The following STK31 variants were observed in gnomAD, a reference collection of about 807,000 sequenced individuals.
STK31 encodes serine/threonine-protein kinase 31.
In STK31, 89 loss-of-function variants were observed where a neutral mutation model predicts 129.7. That is an observed-to-expected ratio of 0.69 (90% CI 0.58 to 0.82). STK31 has a LOEUF of 0.82. STK31 is among the 40% of genes least tolerant of loss of function. STK31 has a pLI of 0.00. For synonymous variants in STK31, 448 were observed against 395.3 expected, an observed-to-expected ratio of 1.13 and a Z score of -1.58; for missense variants, 1,187 against 1,176.4, an observed-to-expected ratio of 1.01 and a Z score of -0.13.
chr7:23,812,877 G>T (rs539070081), intron 22 of STK31, among the ~76,000 whole-genome samples: 2 of 152,032 alleles, frequency 1.3e-5, no homozygotes, highest in South Asian at 4.1e-4. Context: ...ATATTCTGTT[G>T]TATGCATGTG....
intron 8 of STK31, among the ~76,000 whole-genome samples, chr7:23,746,667 A>G (rs1447959053): frequency 2.0e-5 from 3 of 152,210 alleles, no homozygotes; most frequent in Admixed American, 6.5e-5. Flanking sequence ...TAAGAAAATC[A>G]TAAGGAAGAA....
At chr7:23,783,456 A>G (rs1429162678) in intron 16 of STK31, 127 bp from the exon 17 acceptor site, 2 of 584,380 alleles carry the variant, frequency 3.4e-6, no homozygotes, top group Non-Finnish European at 5.5e-6. Flanking sequence ...TAGAAGGCAA[A>G]ATCAGTGATT....
Position 23,737,010 on chromosome 7 carries a change from A to G in STK31, c.949A>G (p.Lys317Glu), listed in dbSNP as rs775579109. 6.2e-7 allele frequency: 1 copy of G among 1,613,170 alleles called. No homozygotes were observed. Among genetic ancestry groups the G allele is most frequent in the Non-Finnish European group, 8.5e-7 (1 of 1,179,754 alleles). Residue 317 changes from lysine (K) to glutamate (E), a missense_variant, in exon 8 of 24, where the codon AAG becomes GAG. Transcript: ENST00000355870. The stretch of plus-strand genomic sequence containing the variant: ...AGAAAATGAAAAACTTAAAACAGAG[A>G]AGGACGCTCTTCTTGAAAGTTATAA... ...IEENEKLKTEKDALLESYKAL... is the reference protein window; with the variant it reads ...IEENEKLKTEEDALLESYKAL...
chr7:23,826,758 T>C (rs1028195969), intron 23 of STK31, among the ~76,000 whole-genome samples: 53 of 152,336 alleles, frequency 3.5e-4, no homozygotes, highest in African/African-American at 1.2e-3. Context: ...TGTTTAGTGC[T>C]TCCTTCACGA....
intron 23 of STK31, among the ~76,000 whole-genome samples, chr7:23,823,550 T>C (rs1490234413): frequency 3.9e-5 from 6 of 152,132 alleles, no homozygotes; most frequent in African/African-American, 9.7e-5. Context: ...TGTAGGTTGC[T>C]TGTTCACTCT....
rs114730041 is a variant in STK31, at chr7:23,712,711, C to T, written c.150+425C>T. 2.7e-3 allele frequency among the ~76,000 whole-genome samples: 409 copies of T among 151,558 alleles called. 2 individuals are homozygous for T. Among genetic ancestry groups the T allele is most frequent in the African/African-American group, 8.3e-3 (342 of 41,374 alleles). On this transcript the variant is annotated intron_variant, in intron 3 of 23. Transcript: ENST00000355870. Reference sequence around the variant, plus strand: ...TAAATTTGAGATGTGGTATTTTTCTCATTATAGAATTGGAAGCATGAATGA... The same window carrying T: ...TAAATTTGAGATGTGGTATTTTTCTTATTATAGAATTGGAAGCATGAATGA...
Position 23,758,438 on chromosome 7 carries a change from G to A in STK31, c.1293+3964G>A, listed in dbSNP as rs80185690. Among the ~76,000 whole-genome samples the A allele has an allele frequency of 4.1e-3, 616 of 151,350 alleles. 4 individuals carry two copies. Among genetic ancestry groups the A allele is most frequent in the Non-Finnish European group, 3.7e-3 (252 of 67,812 alleles). On this transcript the variant is annotated intron_variant, in intron 10 of 23. Coordinates refer to ENST00000355870, the MANE Select transcript of STK31 (RefSeq NM_031414.5). Reference sequence around the variant, plus strand: ...CCCTAGATTCATTGATTTTTTTTTGGAGTGTTTTTTTTGTGTGTGTGTGTC... The same window carrying A: ...CCCTAGATTCATTGATTTTTTTTTGAAGTGTTTTTTTTGTGTGTGTGTGTC...
At chr7:23,750,939 G>A (rs1464810718) in intron 8 of STK31, among the ~76,000 whole-genome samples, 1 of 152,096 alleles carries the variant, frequency 6.6e-6, no homozygotes, top group Non-Finnish European at 1.5e-5. Context: ...ATTAACTGTA[G>A]TCATCTGCTA....
In STK31 at chr7:23,808,970, T is replaced by TGTGTGTGCGCGCGC. The variant is rs60631283; in HGVS notation, c.2761-6173_2761-6172insTGTGTGCGCGCGCG. Among the ~76,000 whole-genome samples, 1,340 of 139,654 alleles carry TGTGTGTGCGCGCGC rather than the reference T, an allele frequency of 9.6e-3. 20 individuals are homozygous for TGTGTGTGCGCGCGC. Among genetic ancestry groups the TGTGTGTGCGCGCGC allele is most frequent in the African/African-American group, 0.034 (1,290 of 37,798 alleles). 91.6% of individuals were successfully genotyped at this position (139,654 alleles called of 152,430 possible). A position where few individuals can be genotyped will look rare whatever the true frequency, so the allele number is the denominator to read the frequency against. The stretch of plus-strand genomic sequence containing the variant: ...GTGTGTGTGTGTGTGTGTGTGTGTG[T>TGTGTGTGCGCGCGC]GCCTGTGTCTGTTGGCATTTCTGGG... On this transcript the variant is annotated intron_variant, in intron 22 of 23. Coordinates refer to ENST00000355870, the MANE Select transcript of STK31 (RefSeq NM_031414.5).
intron 15 of STK31, among the ~76,000 whole-genome samples, chr7:23,776,411 G>A (rs1790546622): frequency 6.6e-6 from 1 of 152,150 alleles, no homozygotes; most frequent in Admixed American, 6.5e-5. Context: ...AATGGTACTA[G>A]CTCTTCTTTG....
chr7:23,763,807 TTTTCA>T (rs1184349093), intron 11 of STK31, among the ~76,000 whole-genome samples: 2 of 149,982 alleles, frequency 1.3e-5, no homozygotes, highest in Non-Finnish European at 3.0e-5. Flanking sequence ...TTTTCAAATG[TTTTCA>T]TTTCATTTTC....
chr7:23,735,533 C>G lies in STK31; in HGVS notation c.484-5C>G. ...GTAGCTGGTTTATGTTTTCTTCTTT[C>G]TTAGGGCACAACCTTTTTGGGGAGC... On this transcript the variant is annotated splice_polypyrimidine_tract_variant and splice_region_variant and intron_variant, in intron 6 of 23. Coordinates refer to ENST00000355870, the MANE Select transcript of STK31 (RefSeq NM_031414.5). 1 of 1,576,034 alleles carries G rather than the reference C, an allele frequency of 6.3e-7. No individual in the cohort carries two copies. Among genetic ancestry groups the G allele is most frequent in the Non-Finnish European group, 8.6e-7 (1 of 1,161,394 alleles).
intron 4 of STK31, among the ~76,000 whole-genome samples, chr7:23,720,909 A>G (rs1054108624): frequency 1.3e-5 from 2 of 152,216 alleles, no homozygotes; most frequent in Non-Finnish European, 2.9e-5. Flanking sequence ...CTTATTAGAG[A>G]AAGTTTTTAT....
rs1790157691 is a variant in STK31, at chr7:23,771,076, G to A, written c.1785G>A (p.Glu595=). Reference sequence around the variant, plus strand: ...AAGTACTGCAAAAGATTCATTCAGAGGAAAGGCTCATTGCCACAGTACAAG... The same window carrying A: ...AAGTACTGCAAAAGATTCATTCAGAAGAAAGGCTCATTGCCACAGTACAAG... ...YSQVLQKIHS[E]ERLIATVQAK... is the part of the protein sequence containing the mutation. The change falls in exon 14 of 24, where the codon GAG becomes GAA. Residue 595 remains glutamate, a synonymous_variant. Coordinates refer to ENST00000355870, the MANE Select transcript of STK31 (RefSeq NM_031414.5). 2.5e-6 allele frequency: 4 copies of A among 1,612,792 alleles called. No homozygotes were observed. Among genetic ancestry groups the A allele is most frequent in the African/African-American group, 2.7e-5 (2 of 74,826 alleles).
Position 23,781,454 on chromosome 7 carries a change from A to G in STK31, c.2001A>G (p.Ile667Met), listed in dbSNP as rs1182410207. 1 of 1,611,622 alleles carries G rather than the reference A, an allele frequency of 6.2e-7. No homozygotes were observed. The highest frequency in any genetic ancestry group is 8.5e-7 in the Non-Finnish European group (1 of 1,179,126). The stretch of plus-strand genomic sequence containing the variant: ...CTGATGGCTCTCAAATTGAGAAAAT[A>G]AAAGAAGAAATAACTCAGCTGCGCA... ...DDPDGSQIEK[I>M]KEEITQLRNN... The change falls in exon 16 of 24, where the codon ATA becomes ATG. Residue 667 changes from isoleucine (I) to methionine (M), a missense_variant. Ile to Met is a conservative substitution (Grantham distance 10). This residue lies in a region of STK31 where 975 missense variants were observed against 934.9 expected (regional missense o/e 1.04). Coordinates refer to ENST00000355870, the MANE Select transcript of STK31 (RefSeq NM_031414.5).
chr7:23,762,872 T>C lies in STK31; in HGVS notation c.1365T>C (p.Phe455=). 1 of 1,609,564 alleles carries C rather than the reference T, an allele frequency of 6.2e-7. No homozygotes were observed. Among genetic ancestry groups the C allele is most frequent in the Non-Finnish European group, 8.5e-7 (1 of 1,178,452 alleles). Residue 455 remains phenylalanine (F), a synonymous_variant, in exon 11 of 24, where the codon TTT becomes TTC. Transcript: ENST00000355870. ...AGCTGTACATGTCAGTAGAAGATTTTATTCTGGAAGTTGATGAGTCATCTC... is the reference window on the plus strand; with the variant it reads ...AGCTGTACATGTCAGTAGAAGATTTCATTCTGGAAGTTGATGAGTCATCTC... ...QQKLYMSVED[F]ILEVDESSLN... is the part of the protein sequence containing the mutation.
chr7:23,710,087 G>T (rs772306512), upstream of STK31: 3 of 853,932 alleles, frequency 3.5e-6, no homozygotes, highest in East Asian at 5.4e-5. Context: ...AGTGCCTGGG[G>T]GTCGGCAGCA....
At chr7:23,809,739 GCCT>G (rs993992747) in intron 22 of STK31, among the ~76,000 whole-genome samples, 6 of 152,106 alleles carry the variant, frequency 3.9e-5, no homozygotes, top group African/African-American at 1.2e-4. Flanking sequence ...TTCTATCTTT[GCCT>G]CCTATTTCAG....
chr7:23,730,878 A>ATATATTTTTTTTTT, intron 6 of STK31, among the ~76,000 whole-genome samples: 1 of 59,542 alleles, frequency 1.7e-5, no homozygotes, highest in Non-Finnish European at 3.3e-5. Flanking sequence ...ATATATATAT[A>ATATATTTTTTTTTT]TTTTTTTTTT....
Sources: allele counts gnomAD v4.1 joint callset (sites outside exome capture counted in the v4.1 genomes callset), GRCh38; gene constraint gnomAD v4.1.1; regional missense constraint gnomAD v4.1.1; transcripts MANE v1.5; gene names NCBI Gene and HGNC (gene_info 2026-07-23, HGNC 2026-07-21).